The following GPC5 variants were observed in gnomAD, a reference collection of about 807,000 sequenced individuals.
GPC5 encodes the protein glypican-5.
In GPC5, 47 loss-of-function variants were observed where a neutral mutation model predicts 53.9. That is an observed-to-expected ratio of 0.87 (90% CI 0.69 to 1.11). GPC5 has a LOEUF of 1.11. Ranked by LOEUF, GPC5 falls within the 50% of genes most tolerant of loss-of-function variation. The pLI is 0.00. For synonymous variants in GPC5, 286 were observed against 263.3 expected, an observed-to-expected ratio of 1.09 and a Z score of -0.84; for missense variants, 748 against 713.1, an observed-to-expected ratio of 1.05 and a Z score of -0.56.
At chr13:92,387,316 G>A (rs1347448327) in intron 7 of GPC5, among the ~76,000 whole-genome samples, 1 of 152,064 alleles carries the variant, frequency 6.6e-6, no homozygotes, top group African/African-American at 2.4e-5. Context: ...TTGTGAGCAC[G>A]TTTACCATAT....
rs545209244 is a variant in GPC5 at position 92,680,274 on chromosome 13, C to T, written c.1562-186008C>T. Among the ~76,000 whole-genome samples, 7 of 152,272 alleles carry T rather than the reference C, an allele frequency of 4.6e-5. No individual in the cohort carries two copies. The East Asian group carries it at 1.4e-3, about 29-fold the overall frequency. Reference sequence around the variant, plus strand: ...CAAAATCCTTTGGCCACTTAATTTTCCTGCCATGTCAACTCAAAAATCATA... The same window carrying T: ...CAAAATCCTTTGGCCACTTAATTTTTCTGCCATGTCAACTCAAAAATCATA... On this transcript the variant is annotated intron_variant, in intron 7 of 7. Transcript: ENST00000377067.
intron 7 of GPC5, among the ~76,000 whole-genome samples, chr13:92,175,052 C>T (rs558413125): frequency 5.9e-5 from 9 of 152,262 alleles, no homozygotes; most frequent in African/African-American, 1.9e-4. Context: ...GGGGTTTCTC[C>T]ATGTTGGTCA....
At chr13:92,378,547 A>T (rs2139303164) in intron 7 of GPC5, among the ~76,000 whole-genome samples, 1 of 152,326 alleles carries the variant, frequency 6.6e-6, no homozygotes, top group East Asian at 1.9e-4. Flanking sequence ...ATGTAATCAG[A>T]ATAGCGTGGA....
intron 7 of GPC5, among the ~76,000 whole-genome samples, chr13:92,440,922 T>C (rs1380025901): frequency 6.6e-6 from 1 of 152,210 alleles, no homozygotes; most frequent in Non-Finnish European, 1.5e-5. Flanking sequence ...TTTGTTGATT[T>C]ATTTAGGCTC....
At position 91,908,062 on chromosome 13, in the gene GPC5, G is replaced by A; in HGVS notation, c.1401+5G>A. The A allele has an allele frequency of 6.5e-7, 1 of 1,532,064 alleles. No homozygotes were observed. Among genetic ancestry groups the A allele is most frequent in the Non-Finnish European group, 8.7e-7 (1 of 1,147,874 alleles). The allele number at this position is 1,532,064 out of a possible 1,614,324, so 94.9% of individuals were successfully genotyped here. On this transcript the variant is annotated splice_donor_5th_base_variant and intron_variant, in intron 6 of 7. Coordinates refer to ENST00000377067, the MANE Select transcript of GPC5 (RefSeq NM_004466.6). ...AAACTGAAGCATGTTGTTCAGGTAA[G>A]TCCTGATCCTATATTTATTAGTATA... is the stretch of plus-strand genomic sequence containing the variant.
intron 2 of GPC5, among the ~76,000 whole-genome samples, chr13:91,621,247 A>C (rs1388565086): frequency 6.6e-6 from 1 of 152,128 alleles, no homozygotes; most frequent in Non-Finnish European, 1.5e-5. Context: ...AAAAAAGAGA[A>C]GTCACCGACT....
chr13:91,566,757 A>C (rs1022467659), intron 2 of GPC5, among the ~76,000 whole-genome samples: 3 of 152,160 alleles, frequency 2.0e-5, no homozygotes, highest in Non-Finnish European at 4.4e-5. Context: ...TCACTTTAGT[A>C]AAAGGAAAAG....
chr13:92,489,675 T>C (rs2139445163), intron 7 of GPC5, among the ~76,000 whole-genome samples: 1 of 152,202 alleles, frequency 6.6e-6, no homozygotes, highest in Admixed American at 6.5e-5. Flanking sequence ...ACTCAGAATA[T>C]TAATTTACTT....
chr13:91,631,620 G>C (rs2034160160), intron 2 of GPC5, among the ~76,000 whole-genome samples: 2 of 152,190 alleles, frequency 1.3e-5, no homozygotes, highest in African/African-American at 4.8e-5. Context: ...CTGTGGGTAG[G>C]CAACGCTCAA....
At chr13:92,599,628 T>C (rs933035103) in intron 7 of GPC5, among the ~76,000 whole-genome samples, 2 of 152,136 alleles carry the variant, frequency 1.3e-5, no homozygotes, top group Non-Finnish European at 2.9e-5. Context: ...TGGTGGTCGG[T>C]TGGCCTTGCT....
At chr13:91,755,485 C>T (rs2037270160) in intron 4 of GPC5, among the ~76,000 whole-genome samples, 1 of 151,974 alleles carries the variant, frequency 6.6e-6, no homozygotes, top group South Asian at 2.1e-4. Context: ...TAATGAAGGC[C>T]TTTAGGACTT....
At chr13:91,727,316 A>G (rs1475302538) in intron 3 of GPC5, among the ~76,000 whole-genome samples, 1 of 152,102 alleles carries the variant, frequency 6.6e-6, no homozygotes, top group African/African-American at 2.4e-5. Context: ...GTCTTTGCTG[A>G]TATCCTTCTT....
chr13:91,634,583 A>G (rs2034240493), intron 2 of GPC5, among the ~76,000 whole-genome samples: 1 of 152,038 alleles, frequency 6.6e-6, no homozygotes, highest in South Asian at 2.1e-4. Context: ...AGTACGTTCT[A>G]TTATTTATGG....
In GPC5 at chr13:92,432,354, TG is replaced by T. The variant is rs1469893671; in HGVS notation, c.1561+287368del. On this transcript the variant is annotated intron_variant, in intron 7 of 7. Coordinates refer to ENST00000377067, the MANE Select transcript of GPC5 (RefSeq NM_004466.6). ...AAACTAGTTTTTTTATTGTTGGTGG[TG>T]GGTTTTTTTTTTTTTTTTTTTTTTC... Among the ~76,000 whole-genome samples the T allele has an allele frequency of 1.2e-3, 175 of 140,014 alleles. 1 individual carries two copies. The highest frequency in any genetic ancestry group is 4.0e-3 in the African/African-American group (152 of 37,954). The allele number at this position is 140,014 out of a possible 152,430, so 91.9% of individuals were successfully genotyped here.
In GPC5 at chr13:91,814,602, G is replaced by A. The variant is rs528946394; in HGVS notation, c.1280+58182G>A. 7.2e-5 allele frequency among the ~76,000 whole-genome samples: 11 copies of A among 152,106 alleles called. No individual in the cohort carries two copies. The East Asian group carries it at 1.7e-3, about 24-fold the overall frequency. The stretch of plus-strand genomic sequence containing the variant: ...GTCACCCAGGCTGGAGTACAATGGC[G>A]TGATCTCAGCTCACTGCAACCTCCA... On this transcript the variant is annotated intron_variant, in intron 5 of 7. Coordinates refer to ENST00000377067, the MANE Select transcript of GPC5 (RefSeq NM_004466.6).
intron 6 of GPC5, among the ~76,000 whole-genome samples, chr13:92,078,909 T>C (rs2041273380): frequency 6.6e-6 from 1 of 152,204 alleles, no homozygotes; most frequent in Admixed American, 6.5e-5. Context: ...TGTCCACCTT[T>C]TTGTCAATAC....
chr13:91,624,936 A>G (rs1049209719), intron 2 of GPC5, among the ~76,000 whole-genome samples: 3 of 151,906 alleles, frequency 2.0e-5, no homozygotes, highest in African/African-American at 7.2e-5. Flanking sequence ...CAAGAAAGGA[A>G]TTTTTTCTTT....
At chr13:92,275,328 G>A (rs2139160683) in intron 7 of GPC5, among the ~76,000 whole-genome samples, 1 of 152,174 alleles carries the variant, frequency 6.6e-6, no homozygotes, top group African/African-American at 2.4e-5. Flanking sequence ...CATCGCCACA[G>A]ATATGCAAAA....
intron 7 of GPC5, among the ~76,000 whole-genome samples, chr13:92,465,211 A>G (rs1259446760): frequency 6.6e-6 from 1 of 152,092 alleles, no homozygotes; most frequent in African/African-American, 2.4e-5. Flanking sequence ...ACATTGCATA[A>G]AAGTGTATGT....
Sources: allele counts gnomAD v4.1 joint callset (sites outside exome capture counted in the v4.1 genomes callset), GRCh38; gene constraint gnomAD v4.1.1; transcripts MANE v1.5; gene names NCBI Gene and HGNC (gene_info 2026-07-23, HGNC 2026-07-21).